The following MRPS28 variants were observed in gnomAD, a reference collection of about 807,000 sequenced individuals.
MRPS28 encodes the protein small ribosomal subunit protein bS1m.
MRPS28 carries 7 observed loss-of-function variants against 10.8 expected under a neutral mutation model. The observed-to-expected ratio is 0.65, with a 90% CI of 0.37 to 1.22. MRPS28 has a LOEUF of 1.22. Ranked by LOEUF, MRPS28 falls within the 50% of genes most tolerant of loss-of-function variation. MRPS28 has a pLI of 0.02. For synonymous variants in MRPS28, 121 were observed against 93.3 expected (o/e 1.30, Z -1.71); for missense variants, 265 against 232.9 (o/e 1.14, Z -0.90).
intron 1 of MRPS28, among the ~76,000 whole-genome samples, chr8:80,014,989 T>C (rs1481945300): frequency 1.3e-5 from 2 of 152,110 alleles, no homozygotes; most frequent in African/African-American, 4.8e-5. Flanking sequence ...AAAAGAAGCC[T>C]CCAAGAAGAA....
chr8:79,951,902 T>C (rs1807088479), intron 2 of MRPS28, among the ~76,000 whole-genome samples: 1 of 152,230 alleles, frequency 6.6e-6, no homozygotes, highest in Admixed American at 6.5e-5. Flanking sequence ...ACGGTTTTTA[T>C]CACAACACAA....
chr8:79,992,844 A>C (rs776697496), intron 2 of MRPS28, among the ~76,000 whole-genome samples: 1 of 152,174 alleles, frequency 6.6e-6, no homozygotes, highest in Non-Finnish European at 1.5e-5. Context: ...TAGTTTCTTC[A>C]GTGTTTTTAA....
At chr8:79,921,738 T>C (rs902929439) in intron 2 of MRPS28, among the ~76,000 whole-genome samples, 4 of 152,032 alleles carry the variant, frequency 2.6e-5, no homozygotes, top group African/African-American at 9.7e-5. Flanking sequence ...ACAGGGACAA[T>C]TTGACTTCCT....
At chr8:80,005,547 C>A (rs1808813510) in intron 1 of MRPS28, among the ~76,000 whole-genome samples, 1 of 152,012 alleles carries the variant, frequency 6.6e-6, no homozygotes, top group Non-Finnish European at 1.5e-5. Flanking sequence ...AAACTGTGGA[C>A]CATCGATGCT....
intron 2 of MRPS28, among the ~76,000 whole-genome samples, chr8:79,982,845 C>G (rs1808008472): frequency 6.6e-6 from 1 of 152,132 alleles, no homozygotes; most frequent in Admixed American, 6.5e-5. Flanking sequence ...AGGGCACAGA[C>G]AAACAAAAAG....
At chr8:79,982,907 G>C (rs575406775) in intron 2 of MRPS28, among the ~76,000 whole-genome samples, 1 of 148,690 alleles carries the variant, frequency 6.7e-6, no homozygotes, top group African/African-American at 2.5e-5. Context: ...GCTTTGAAGA[G>C]AGCAGTGGTT....
intron 2 of MRPS28, among the ~76,000 whole-genome samples, chr8:79,949,139 G>A (rs774106352): frequency 1.3e-5 from 2 of 152,054 alleles, no homozygotes; most frequent in Non-Finnish European, 2.9e-5. Context: ...TCTGCGGCTC[G>A]GTGCCGTGGC....
chr8:80,004,966 C>T (rs1808786360), intron 1 of MRPS28, among the ~76,000 whole-genome samples: 1 of 152,176 alleles, frequency 6.6e-6, no homozygotes, highest in South Asian at 2.1e-4. Flanking sequence ...AACAAAGCCT[C>T]CAAGAAATAT....
At chr8:79,943,478 A>G (rs569826895) in intron 2 of MRPS28, among the ~76,000 whole-genome samples, 1 of 152,368 alleles carries the variant, frequency 6.6e-6, no homozygotes, top group African/African-American at 2.4e-5. Flanking sequence ...TAGTTTCAGT[A>G]AATTAAGCAA....
At chr8:80,011,571 C>T (rs141907335) in intron 1 of MRPS28, among the ~76,000 whole-genome samples, 3,427 of 151,888 alleles carry the variant, frequency 0.023, 148 homozygotes, top group African/African-American at 0.078. Flanking sequence ...CTGGCCAACA[C>T]GGTGAAACCC....
chr8:79,998,943 G>A (rs1586086489), intron 2 of MRPS28, among the ~76,000 whole-genome samples: 1 of 152,020 alleles, frequency 6.6e-6, no homozygotes, highest in East Asian at 1.9e-4. Flanking sequence ...GGCTAAACTG[G>A]ATATTTCAAT....
At chr8:79,978,895 T>G (rs1223095356) in intron 2 of MRPS28, among the ~76,000 whole-genome samples, 2 of 151,456 alleles carry the variant, frequency 1.3e-5, no homozygotes, top group African/African-American at 2.4e-5. Context: ...TAATGATGTA[T>G]TTTTTTTCAC....
chr8:80,001,858 C>T (rs1266479379), intron 2 of MRPS28, among the ~76,000 whole-genome samples: 1 of 152,148 alleles, frequency 6.6e-6, no homozygotes, highest in Non-Finnish European at 1.5e-5. Flanking sequence ...GTGAGAAGCA[C>T]TGTGCACACA....
intron 1 of MRPS28, among the ~76,000 whole-genome samples, chr8:80,021,285 G>C (rs1809356647): frequency 6.6e-6 from 1 of 152,200 alleles, no homozygotes; most frequent in Admixed American, 6.5e-5. Flanking sequence ...ACAGGTGTGA[G>C]CCACTGCGCC....
intron 2 of MRPS28, among the ~76,000 whole-genome samples, chr8:79,981,433 A>G (rs1435642938): frequency 6.6e-6 from 1 of 152,250 alleles, no homozygotes; most frequent in African/African-American, 2.4e-5. Context: ...AAACTAAAAT[A>G]TTTGCAATTG....
intron 2 of MRPS28, among the ~76,000 whole-genome samples, chr8:79,938,596 A>G (rs371652818): frequency 2.6e-5 from 4 of 152,316 alleles, no homozygotes; most frequent in East Asian, 1.9e-4. Context: ...CAACAACAAC[A>G]AAAAAGAACC....
chr8:79,938,329 T>C (rs1302164154), intron 2 of MRPS28, among the ~76,000 whole-genome samples: 1 of 152,054 alleles, frequency 6.6e-6, no homozygotes, highest in African/African-American at 2.4e-5. Context: ...GAAGCATTAC[T>C]ATCACCATTT....
intron 1 of MRPS28, among the ~76,000 whole-genome samples, chr8:80,016,584 A>C (rs1293167912): frequency 2.6e-5 from 4 of 152,148 alleles, no homozygotes. Flanking sequence ...AAAATTATAA[A>C]AGTCAAAAAC....
At chr8:79,983,974 A>T (rs554729755) in intron 2 of MRPS28, among the ~76,000 whole-genome samples, 2 of 152,112 alleles carry the variant, frequency 1.3e-5, no homozygotes, top group Non-Finnish European at 2.9e-5. Flanking sequence ...CATAATTGTC[A>T]GATTCACCAA....
Sources: gnomAD v4.1 joint callset for allele counts (sites outside exome capture counted in the v4.1 genomes callset) on GRCh38, gnomAD v4.1.1 for gene constraint, MANE v1.5 for transcripts, NCBI Gene and HGNC (gene_info 2026-07-23, HGNC 2026-07-21) for gene names.